The following OPN5 variants were observed in gnomAD, a reference collection of about 807,000 sequenced individuals.
OPN5 encodes the protein opsin 5, also known as opsin-5.
OPN5 carries 18 observed loss-of-function variants against 41.7 expected under a neutral mutation model. That is an observed-to-expected ratio of 0.43 (90% CI 0.30 to 0.64). The LOEUF (loss-of-function observed/expected upper bound fraction) is 0.64. Ranked by LOEUF, OPN5 falls within the 30% of genes least tolerant of loss-of-function variation. The pLI is 0.13. For synonymous variants in OPN5, 178 were observed against 164.3 expected, an observed-to-expected ratio of 1.08 and a Z score of -0.64; for missense variants, 318 against 434.5, an observed-to-expected ratio of 0.73 and a Z score of 2.38.
chr6:47,782,299 G>T, intron 1 of OPN5, 103 bp downstream of exon 1: 1 of 1,137,588 alleles, frequency 8.8e-7, no homozygotes, highest in Non-Finnish European at 1.3e-6. Context: ...GGATAGTTTA[G>T]TGGAGGCGAA....
intron 4 of OPN5, among the ~76,000 whole-genome samples, chr6:47,797,710 C>T (rs910616142): frequency 1.3e-5 from 2 of 152,196 alleles, no homozygotes; most frequent in Non-Finnish European, 2.9e-5. Context: ...ATCCCCCTCA[C>T]CTCTCTGTTT....
At chr6:47,823,894 G>C in intron 6 of OPN5, 89 bp from the exon 7 acceptor site, 1 of 881,364 alleles carries the variant, frequency 1.1e-6, no homozygotes, top group South Asian at 1.4e-5. Flanking sequence ...TGTGTGTGTG[G>C]TATGTTTAGG....
At chr6:47,804,984 A>G (rs1773908289) in intron 4 of OPN5, among the ~76,000 whole-genome samples, 1 of 152,238 alleles carries the variant, frequency 6.6e-6, no homozygotes, top group Non-Finnish European at 1.5e-5. Flanking sequence ...GCAGCAACAC[A>G]GAAAACAGCT....
chr6:47,792,609 G>A (rs570363826), intron 3 of OPN5, among the ~76,000 whole-genome samples: 1 of 152,292 alleles, frequency 6.6e-6, no homozygotes, highest in African/African-American at 2.4e-5. Context: ...CATTCTACAG[G>A]TTAAAAATAA....
intron 4 of OPN5, among the ~76,000 whole-genome samples, chr6:47,803,076 G>T (rs1396904696): frequency 6.6e-6 from 1 of 152,102 alleles, no homozygotes; most frequent in Non-Finnish European, 1.5e-5. Flanking sequence ...ATGGAGGAAG[G>T]TTTAGGATAG....
At chr6:47,805,141 C>A (rs1287777951) in intron 4 of OPN5, among the ~76,000 whole-genome samples, 3 of 152,164 alleles carry the variant, frequency 2.0e-5, no homozygotes, top group Non-Finnish European at 2.9e-5. Context: ...TCACTGTGAG[C>A]CTTGAGGCAT....
At chr6:47,809,427 C>T (rs758209287) in intron 5 of OPN5, among the ~76,000 whole-genome samples, 9 of 152,040 alleles carry the variant, frequency 5.9e-5, no homozygotes, top group East Asian at 3.8e-4. Context: ...TTCCTCACCA[C>T]GGGTCAAATG....
intron 6 of OPN5, among the ~76,000 whole-genome samples, chr6:47,819,354 A>ATATATATATATATATAT (rs1389298718): frequency 0.024 from 1,413 of 58,922 alleles, 245 homozygotes; most frequent in African/African-American, 0.063. Flanking sequence ...TATATATATA[A>ATATATATATATATATAT]AAAATATATT....
intron 2 of OPN5, among the ~76,000 whole-genome samples, chr6:47,789,667 G>A (rs1024255155): frequency 6.6e-6 from 1 of 152,138 alleles, no homozygotes; most frequent in Non-Finnish European, 1.5e-5. Context: ...GACAACTAGA[G>A]GAGACGTGTG....
intron 3 of OPN5, chr6:47,794,609 C>A (rs1035873357): frequency 2.6e-5 from 4 of 152,230 alleles, no homozygotes; most frequent in Non-Finnish European, 5.9e-5. Flanking sequence ...ATGATGCAAC[C>A]TACCTAGATT....
intron 3 of OPN5, chr6:47,793,791 C>A: frequency 3.1e-6 from 3 of 974,262 alleles, no homozygotes; most frequent in Non-Finnish European, 2.4e-6. Context: ...AAACACCTCA[C>A]AAGTAACCCT....
chr6:47,811,775 T>A, intron 6 of OPN5, 44 bp downstream of exon 6: 2 of 1,290,628 alleles, frequency 1.5e-6, no homozygotes, highest in Non-Finnish European at 2.3e-6. Flanking sequence ...TCGTATTCAC[T>A]TATTTGCCTC....
chr6:47,787,290 A>C (rs1242921837), intron 2 of OPN5: 1 of 380,796 alleles, frequency 2.6e-6, no homozygotes, highest in Non-Finnish European at 3.6e-6. Context: ...CAGGTATGTT[A>C]ATGTGTGGCC....
chr6:47,808,075 C>T, intron 4 of OPN5, 79 bp from the exon 5 acceptor site: 1 of 1,408,958 alleles, frequency 7.1e-7, no homozygotes, highest in Non-Finnish European at 1.0e-6. Context: ...TGACCTGATC[C>T]TTCTCCATAC....
intron 1 of OPN5, among the ~76,000 whole-genome samples, chr6:47,783,163 T>C (rs1169474868): frequency 2.6e-5 from 4 of 152,276 alleles, no homozygotes; most frequent in South Asian, 4.1e-4. Context: ...TTATACTGGA[T>C]AGCACTAATC....
chr6:47,807,049 T>A (rs541550591), intron 4 of OPN5, among the ~76,000 whole-genome samples: 2 of 152,150 alleles, frequency 1.3e-5, no homozygotes, highest in Admixed American at 1.3e-4. Flanking sequence ...CCCAGCTACT[T>A]GGGAGGCTGA....
intron 6 of OPN5, among the ~76,000 whole-genome samples, chr6:47,817,485 G>A (rs1245729079): frequency 1.3e-5 from 2 of 152,080 alleles, no homozygotes; most frequent in Non-Finnish European, 2.9e-5. Context: ...GTCTGTGTAT[G>A]ATGTTGTTGC....
intron 2 of OPN5, among the ~76,000 whole-genome samples, chr6:47,788,849 A>C (rs1773278843): frequency 6.7e-6 from 1 of 150,374 alleles, no homozygotes; most frequent in African/African-American, 2.5e-5. Flanking sequence ...TAATGCCTGA[A>C]CTCACTCCAG....
intron 1 of OPN5, among the ~76,000 whole-genome samples, chr6:47,783,744 A>G (rs1329545): frequency 0.82 from 124,604 of 152,174 alleles, 51,178 homozygotes; most frequent in East Asian, 0.93. Context: ...CTGGAACAGA[A>G]ACTGTCTTAT....
Sources: allele counts gnomAD v4.1 joint callset (sites outside exome capture counted in the v4.1 genomes callset), GRCh38; gene constraint gnomAD v4.1.1; transcripts MANE v1.5; gene names NCBI Gene and HGNC (gene_info 2026-07-23, HGNC 2026-07-21).